Variants in ZNF280D observed in about 807,000 individuals in gnomAD.
The protein encoded by ZNF280D is suppressor of hairy wing homolog 4.
A neutral mutation model predicts 94.7 loss-of-function variants in ZNF280D; 39 were observed. The observed-to-expected ratio is 0.41, with a 90% CI of 0.32 to 0.54. ZNF280D has a LOEUF of 0.54. Ranked by LOEUF, ZNF280D falls within the 20% of genes least tolerant of loss-of-function variation. ZNF280D has a pLI of 0.22. For synonymous variants in ZNF280D, 398 were observed against 377.6 expected (o/e 1.05, Z -0.63); for missense variants, 1,090 against 1,149.3 (o/e 0.95, Z 0.75).
chr15:56,659,885 T>C (rs1475554360), intron 16 of ZNF280D, among the ~76,000 whole-genome samples: 1 of 150,536 alleles, frequency 6.6e-6, no homozygotes, highest in Admixed American at 6.8e-5. Flanking sequence ...GCACCACATG[T>C]ATGTATAGGG....
intron 6 of ZNF280D, among the ~76,000 whole-genome samples, chr15:56,693,991 C>G (rs1420546999): frequency 1.3e-5 from 2 of 152,036 alleles, no homozygotes; most frequent in African/African-American, 4.8e-5. Context: ...GCCAGGCAGA[C>G]AGGGTTTAGA....
At chr15:56,681,568 G>A (rs1331545549) in intron 10 of ZNF280D, among the ~76,000 whole-genome samples, 1 of 152,008 alleles carries the variant, frequency 6.6e-6, no homozygotes, top group South Asian at 2.1e-4. Flanking sequence ...TAAATATCAG[G>A]CTACATAATC....
chr15:56,681,376 G>T (rs1255801377), intron 10 of ZNF280D, among the ~76,000 whole-genome samples: 3 of 152,080 alleles, frequency 2.0e-5, no homozygotes, highest in African/African-American at 7.2e-5. Context: ...ACCTTGAAAT[G>T]CACCAAAAAT....
intron 1 of ZNF280D, chr15:56,730,242 A>G (rs965597694): frequency 1.3e-5 from 2 of 152,188 alleles, no homozygotes; most frequent in African/African-American, 4.8e-5. Flanking sequence ...TTAAATCACT[A>G]TTTAAAGCAA....
intron 1 of ZNF280D, among the ~76,000 whole-genome samples, chr15:56,713,051 T>C (rs2141314509): frequency 6.6e-6 from 1 of 152,276 alleles, no homozygotes. Flanking sequence ...AATGGTTAAC[T>C]TCTACATCTC....
chr15:56,681,977 G>T (rs199962774), intron 10 of ZNF280D, among the ~76,000 whole-genome samples: 1 of 151,846 alleles, frequency 6.6e-6, no homozygotes. Context: ...CAAAAATCAC[G>T]ACTAAAACAG....
intron 19 of ZNF280D, chr15:56,652,870 T>C (rs2053291380): frequency 1.0e-6 from 1 of 984,192 alleles, no homozygotes. Context: ...AATAGGCAGC[T>C]ACACAAAATC....
intron 16 of ZNF280D, among the ~76,000 whole-genome samples, chr15:56,663,110 T>C (rs2140811085): frequency 6.9e-6 from 1 of 144,738 alleles, no homozygotes; most frequent in Non-Finnish European, 1.5e-5. Flanking sequence ...ATGGAAAAAA[T>C]CCCATCCCTA....
chr15:56,662,830 CA>C (rs577795987), intron 16 of ZNF280D, among the ~76,000 whole-genome samples: 1,314 of 50,866 alleles, frequency 0.026, 9 homozygotes, highest in African/African-American at 0.073. Flanking sequence ...GACTCTGTCT[CA>C]AAAAAAAAAA....
Position 56,702,707 on chromosome 15 carries a change from G to A in ZNF280D, c.175+1414C>T, listed in dbSNP as rs1005166183. ...ATGCCTAATTCATTTTATAATCCAA[G>A]TGGCACTCCACTTAGCATTCCATGA... On this transcript the variant is annotated intron_variant, in intron 4 of 21. Coordinates refer to ENST00000267807, the MANE Select transcript of ZNF280D (RefSeq NM_017661.4). Among the ~76,000 whole-genome samples, 12 of 151,986 alleles carry A rather than the reference G, an allele frequency of 7.9e-5. No individual in the cohort carries two copies. The South Asian group carries it at 8.3e-4, about 10-fold the overall frequency.
intron 19 of ZNF280D, among the ~76,000 whole-genome samples, chr15:56,649,548 G>A (rs913728793): frequency 2.0e-5 from 3 of 151,770 alleles, no homozygotes; most frequent in Non-Finnish European, 4.4e-5. Context: ...CTAAAATCCC[G>A]GTCACATTTC....
intron 10 of ZNF280D, among the ~76,000 whole-genome samples, chr15:56,679,544 G>A (rs2140984759): frequency 6.6e-6 from 1 of 152,222 alleles, no homozygotes; most frequent in South Asian, 2.1e-4. Context: ...TCCCTAATAG[G>A]CTTCTATGAG....
chr15:56,722,723 A>T (rs2058429898), intron 1 of ZNF280D, among the ~76,000 whole-genome samples: 1 of 152,174 alleles, frequency 6.6e-6, no homozygotes, highest in Admixed American at 6.5e-5. Context: ...CCATCCCATT[A>T]CTGGGTATAT....
chr15:56,648,592 C>A (rs1489827609), intron 19 of ZNF280D, among the ~76,000 whole-genome samples: 1 of 152,050 alleles, frequency 6.6e-6, no homozygotes, highest in Non-Finnish European at 1.5e-5. Context: ...CTCCACTTAA[C>A]AGGTATGTGC....
chr15:56,708,887 C>A (rs1199288747), intron 1 of ZNF280D, among the ~76,000 whole-genome samples: 1 of 152,120 alleles, frequency 6.6e-6, no homozygotes, highest in Admixed American at 6.5e-5. Context: ...AAATGTTAGA[C>A]CTAAAACCAT....
At chr15:56,652,209 G>A (rs2053248706) in intron 19 of ZNF280D, among the ~76,000 whole-genome samples, 3 of 152,028 alleles carry the variant, frequency 2.0e-5, no homozygotes, top group Admixed American at 2.0e-4. Flanking sequence ...CATATAATAG[G>A]TGGTCATCTA....
chr15:56,632,597 G>T (rs1464830960), intron 21 of ZNF280D, among the ~76,000 whole-genome samples: 1 of 148,830 alleles, frequency 6.7e-6, no homozygotes, highest in African/African-American at 2.5e-5. Context: ...CTGGGCTCAA[G>T]TGATCCTCCC....
chr15:56,669,937 T>TA (rs1566960604), intron 13 of ZNF280D, among the ~76,000 whole-genome samples: 52 of 1,446 alleles, frequency 0.036, 11 homozygotes, highest in South Asian at 0.062. Context: ...ATATATATAT[T>TA]ATATATATAT....
rs1421818643 is a variant in ZNF280D, at chr15:56,630,978, C to CT, written c.*519dup. 6.4e-6 allele frequency: 1 copy of CT among 155,406 alleles called. No individual in the cohort carries two copies. The highest frequency in any genetic ancestry group is 1.9e-4 in the East Asian group (1 of 5,282). 9.6% of individuals were successfully genotyped at this position (155,406 alleles called of 1,614,324 possible). A position where few individuals can be genotyped will look rare whatever the true frequency, so the allele number is the denominator to read the frequency against. Reference sequence around the variant, plus strand: ...ATTCTCATTAGATCAATTTAGTACTCTAAGCATGCTCCATTTACCAGCATC... The same window carrying CT: ...ATTCTCATTAGATCAATTTAGTACTCTTAAGCATGCTCCATTTACCAGCATC... On this transcript the variant is annotated 3_prime_UTR_variant, in exon 22 of 22. Transcript: ENST00000267807.
Sources: gnomAD v4.1 joint callset for allele counts (sites outside exome capture counted in the v4.1 genomes callset) on GRCh38, gnomAD v4.1.1 for gene constraint, MANE v1.5 for transcripts, NCBI Gene and HGNC (gene_info 2026-07-23, HGNC 2026-07-21) for gene names.